Variants in GPHN observed in about 807,000 individuals in gnomAD.
GPHN encodes gephyrin.
In GPHN, 17 loss-of-function variants were observed where a neutral mutation model predicts 95.5. The ratio of observed to expected loss-of-function variants is 0.18; its 90% confidence interval spans 0.12 to 0.27. GPHN has a LOEUF of 0.27. GPHN is among the 10% of genes least tolerant of loss of function. The pLI, the probability that GPHN is intolerant of heterozygous loss-of-function variation, is 1.00. For missense variants in GPHN, 660 were observed against 978.1 expected, an observed-to-expected ratio of 0.67 and a Z score of 4.34; for synonymous variants, 320 against 322.5, an observed-to-expected ratio of 0.99 and a Z score of 0.08.
intron 11 of GPHN, among the ~76,000 whole-genome samples, chr14:67,076,046 A>T (rs981696767): frequency 6.6e-6 from 1 of 152,160 alleles, no homozygotes; most frequent in African/African-American, 2.4e-5. Flanking sequence ...TGCTACAGAG[A>T]TATCTTTCAT....
At chr14:67,356,990 T>C in the GPHN span, among the ~76,000 whole-genome samples, 1 of 152,214 alleles carries the variant, frequency 6.6e-6, no homozygotes, top group Non-Finnish European at 1.5e-5. Flanking sequence ...GAATTTACCA[T>C]GTTAATTTTA....
At chr14:66,806,189 G>A (rs369315699) in intron 3 of GPHN, among the ~76,000 whole-genome samples, 47 of 152,280 alleles carry the variant, frequency 3.1e-4, no homozygotes, top group Middle Eastern at 3.4e-3. Flanking sequence ...TGAGCTCTAC[G>A]TTGTCCCCTT....
the GPHN span, among the ~76,000 whole-genome samples, chr14:67,339,377 T>G: frequency 6.6e-6 from 1 of 152,152 alleles, no homozygotes; most frequent in Non-Finnish European, 1.5e-5. Context: ...TTTTTAAAAT[T>G]TTGGCTCAAC....
At chr14:67,130,398 G>T (rs1038274879) in intron 17 of GPHN, among the ~76,000 whole-genome samples, 1 of 152,092 alleles carries the variant, frequency 6.6e-6, no homozygotes, top group Non-Finnish European at 1.5e-5. Context: ...CATTAATTCA[G>T]TTAGGATAAT....
intron 1 of GPHN, among the ~76,000 whole-genome samples, chr14:66,620,359 G>A (rs1254969541): frequency 6.6e-6 from 1 of 152,146 alleles, no homozygotes; most frequent in African/African-American, 2.4e-5. Flanking sequence ...ACAAAAGAAA[G>A]AGATTTAATG....
At chr14:67,096,547 G>A (rs889085771) in intron 12 of GPHN, among the ~76,000 whole-genome samples, 3 of 151,404 alleles carry the variant, frequency 2.0e-5, no homozygotes, top group East Asian at 1.9e-4. Flanking sequence ...TATTATCAGC[G>A]ATGACTTAGG....
chr14:66,938,870 A>G (rs1018960694), intron 8 of GPHN, among the ~76,000 whole-genome samples: 1 of 152,216 alleles, frequency 6.6e-6, no homozygotes, highest in African/African-American at 2.4e-5. Flanking sequence ...TTTGATCAGT[A>G]TCCCCTTAAA....
At chr14:67,402,849 CTTGGCTA>C in the GPHN span, among the ~76,000 whole-genome samples, 1 of 152,186 alleles carries the variant, frequency 6.6e-6, no homozygotes, top group East Asian at 1.9e-4. Flanking sequence ...TGCTTCCAAT[CTTGGCTA>C]TTGTAAACAG....
intron 1 of GPHN, among the ~76,000 whole-genome samples, chr14:66,635,880 T>C (rs2064070584): frequency 6.6e-6 from 1 of 151,986 alleles, no homozygotes; most frequent in African/African-American, 2.4e-5. Flanking sequence ...GGCTCACACC[T>C]GTAATCCCAG....
chr14:66,590,267 G>C (rs892448794), intron 1 of GPHN, among the ~76,000 whole-genome samples: 2 of 152,146 alleles, frequency 1.3e-5, no homozygotes, highest in African/African-American at 4.8e-5. Context: ...AAAAGAACTA[G>C]AGAAGCAAGA....
chr14:66,629,176 TA>T (rs1199064482), intron 1 of GPHN, among the ~76,000 whole-genome samples: 43 of 135,326 alleles, frequency 3.2e-4, no homozygotes, highest in Admixed American at 3.7e-4. Flanking sequence ...TAAATATATA[TA>T]TACATATATA....
At chr14:67,578,779 G>A in the GPHN span, 1 of 664,792 alleles carries the variant, frequency 1.5e-6, no homozygotes, top group Non-Finnish European at 2.7e-6. The surrounding 1 kb of genome is among the most constrained non-coding windows in gnomAD (Gnocchi z 5.0). Flanking sequence ...ATTGCCGTGT[G>A]CACAAATGGG....
chr14:67,249,692 A>G, the GPHN span, among the ~76,000 whole-genome samples: 1 of 152,246 alleles, frequency 6.6e-6, no homozygotes, highest in African/African-American at 2.4e-5. Flanking sequence ...AATTTGAGAA[A>G]CTTCACACAA....
At chr14:67,553,758 CTGTG>C in the GPHN span, among the ~76,000 whole-genome samples, 1 of 152,212 alleles carries the variant, frequency 6.6e-6, no homozygotes, top group African/African-American at 2.4e-5. Context: ...TGCATGGCAA[CTGTG>C]TGAAGGTCAA....
At chr14:66,789,629 T>A (rs1310628977) in intron 3 of GPHN, among the ~76,000 whole-genome samples, 2 of 152,186 alleles carry the variant, frequency 1.3e-5, no homozygotes, top group Non-Finnish European at 2.9e-5. Context: ...GTCTCATTTT[T>A]ATACTGAATC....
chr14:67,415,303 C>T, the GPHN span, among the ~76,000 whole-genome samples: 2 of 151,802 alleles, frequency 1.3e-5, no homozygotes, highest in East Asian at 3.9e-4. Context: ...AGTATCTTAC[C>T]AGGTCATTAA....
chr14:66,892,720 A>G (rs1009195907), intron 5 of GPHN, among the ~76,000 whole-genome samples: 6 of 152,216 alleles, frequency 3.9e-5, no homozygotes, highest in African/African-American at 1.4e-4. Context: ...AACCAAATGC[A>G]TAAAGAAAAT....
At chr14:67,540,848 C>T in the GPHN span, among the ~76,000 whole-genome samples, 1 of 152,164 alleles carries the variant, frequency 6.6e-6, no homozygotes, top group Non-Finnish European at 1.5e-5. Context: ...CCCTCTCTCT[C>T]ATGCACACTC....
the GPHN span, among the ~76,000 whole-genome samples, chr14:67,372,963 T>C: frequency 6.6e-6 from 1 of 152,174 alleles, no homozygotes; most frequent in African/African-American, 2.4e-5. Context: ...ATGTTGAACA[T>C]CATTAGTCAT....
Sources: gnomAD v4.1 joint callset for allele counts (sites outside exome capture counted in the v4.1 genomes callset) on GRCh38, gnomAD v4.1.1 for gene constraint, Gnocchi (gnomAD v3.1) non-coding constraint, MANE v1.5 for transcripts, NCBI Gene and HGNC (gene_info 2026-07-23, HGNC 2026-07-21) for gene names.